Variants in CDH13 observed in about 807,000 individuals in gnomAD.
CDH13 encodes cadherin 13.
CDH13 carries 24 observed loss-of-function variants against 63.8 expected under a neutral mutation model. That is an observed-to-expected ratio of 0.38 (90% CI 0.27 to 0.53). CDH13 has a LOEUF of 0.53. CDH13 is among the 20% of genes least tolerant of loss of function. CDH13 has a pLI of 0.85. For synonymous variants in CDH13, 503 were observed against 355.3 expected (o/e 1.42, Z -4.67); for missense variants, 1,049 against 903.1 (o/e 1.16, Z -2.07).
chr16:83,728,109 C>T (rs1016748682), intron 10 of CDH13, among the ~76,000 whole-genome samples: 3 of 152,184 alleles, frequency 2.0e-5, no homozygotes, highest in Non-Finnish European at 4.4e-5. Flanking sequence ...CAGCAGTGAG[C>T]ACGCTGCCTG....
At chr16:82,860,867 A>G (rs1443051096) in intron 2 of CDH13, among the ~76,000 whole-genome samples, 1 of 152,172 alleles carries the variant, frequency 6.6e-6, no homozygotes, top group East Asian at 1.9e-4. Context: ...GTAGCGGTTC[A>G]ATTGAATAAA....
intron 8 of CDH13, among the ~76,000 whole-genome samples, chr16:83,662,769 T>C (rs1237710157): frequency 6.6e-6 from 1 of 152,164 alleles, no homozygotes; most frequent in Non-Finnish European, 1.5e-5. Flanking sequence ...TTCAGAGTTG[T>C]TTTCCCCAGG....
intron 1 of CDH13, among the ~76,000 whole-genome samples, chr16:82,690,295 A>G (rs1261342939): frequency 6.6e-6 from 1 of 152,156 alleles, no homozygotes; most frequent in Non-Finnish European, 1.5e-5. Flanking sequence ...GACTACCAGA[A>G]AGCTTTGGAA....
chr16:83,075,263 GT>G (rs1420408046), intron 3 of CDH13, among the ~76,000 whole-genome samples: 1 of 152,128 alleles, frequency 6.6e-6, no homozygotes, highest in Non-Finnish European at 1.5e-5. Flanking sequence ...AAATAAAAGA[GT>G]TTCACCCCAG....
At chr16:83,063,154 G>T (rs536370921) in intron 3 of CDH13, among the ~76,000 whole-genome samples, 2 of 152,182 alleles carry the variant, frequency 1.3e-5, no homozygotes, top group Admixed American at 6.5e-5. Context: ...TAGAGACAGG[G>T]TTTCACCATG....
chr16:83,568,948 A>G (rs936762245), intron 7 of CDH13, among the ~76,000 whole-genome samples: 23 of 151,958 alleles, frequency 1.5e-4, no homozygotes, highest in Non-Finnish European at 2.9e-4. Flanking sequence ...CTGCCTCCAG[A>G]ACATTCTCCT....
chr16:82,785,725 C>G (rs2035970709), intron 1 of CDH13, among the ~76,000 whole-genome samples: 1 of 152,150 alleles, frequency 6.6e-6, no homozygotes, highest in Non-Finnish European at 1.5e-5. Context: ...AAAGTGTATT[C>G]CAGTAACTGC....
intron 2 of CDH13, among the ~76,000 whole-genome samples, chr16:83,017,491 G>A (rs993461719): frequency 6.6e-6 from 1 of 152,196 alleles, no homozygotes; most frequent in Non-Finnish European, 1.5e-5. Flanking sequence ...AAGCAATCCA[G>A]CTTTCCTACT....
chr16:83,414,210 C>T (rs1255619198), intron 6 of CDH13, among the ~76,000 whole-genome samples: 1 of 152,154 alleles, frequency 6.6e-6, no homozygotes, highest in Non-Finnish European at 1.5e-5. Flanking sequence ...AATCAACATG[C>T]TCAACCATTT....
chr16:82,814,357 C>G (rs1420736969), intron 1 of CDH13, among the ~76,000 whole-genome samples: 2 of 152,112 alleles, frequency 1.3e-5, no homozygotes, highest in Admixed American at 6.5e-5. Flanking sequence ...CCAGGGGAAT[C>G]AACCATGTAT....
At chr16:83,224,855 G>A (rs923163375) in intron 5 of CDH13, among the ~76,000 whole-genome samples, 9 of 152,158 alleles carry the variant, frequency 5.9e-5, no homozygotes, top group Non-Finnish European at 8.8e-5. Context: ...TAAGTGTTCC[G>A]GAATTGGGAG....
chr16:83,461,037 A>C (rs1006009515), intron 6 of CDH13, among the ~76,000 whole-genome samples: 1 of 149,428 alleles, frequency 6.7e-6, no homozygotes, highest in African/African-American at 2.5e-5. Flanking sequence ...AACACTGCAG[A>C]TAGCCATTTT....
At chr16:82,711,586 T>A (rs1241290440) in intron 1 of CDH13, among the ~76,000 whole-genome samples, 2 of 152,208 alleles carry the variant, frequency 1.3e-5, no homozygotes, top group African/African-American at 4.8e-5. Context: ...TACCTTCTTA[T>A]TGCACAGACA....
chr16:82,922,262 C>T (rs1348459119), intron 2 of CDH13, among the ~76,000 whole-genome samples: 1 of 152,032 alleles, frequency 6.6e-6, no homozygotes, highest in Non-Finnish European at 1.5e-5. Flanking sequence ...TTTTTGTGTA[C>T]TTCAAAGAAG....
At chr16:82,702,756 G>A (rs940536069) in intron 1 of CDH13, among the ~76,000 whole-genome samples, 8 of 152,178 alleles carry the variant, frequency 5.3e-5, no homozygotes, top group African/African-American at 1.9e-4. Context: ...CTTCCTGACT[G>A]ATGGCCATTG....
chr16:82,997,376 A>ACTCT (rs1912364426), intron 2 of CDH13, among the ~76,000 whole-genome samples: 1 of 152,196 alleles, frequency 6.6e-6, no homozygotes, highest in African/African-American at 2.4e-5. Context: ...GAGTGAGGTG[A>ACTCT]ATGAGGTACT....
intron 6 of CDH13, among the ~76,000 whole-genome samples, chr16:83,461,549 C>T (rs1376517185): frequency 6.6e-6 from 1 of 152,168 alleles, no homozygotes; most frequent in South Asian, 2.1e-4. Flanking sequence ...AATTCATGCA[C>T]AAACAATATT....
intron 6 of CDH13, among the ~76,000 whole-genome samples, chr16:83,393,123 A>C (rs1046828656): frequency 6.6e-6 from 1 of 152,228 alleles, no homozygotes; most frequent in Non-Finnish European, 1.5e-5. Context: ...ATATCTAGAT[A>C]AAGTGTCCCC....
At chr16:83,565,250 C>T (rs2075772458) in intron 7 of CDH13, among the ~76,000 whole-genome samples, 1 of 152,062 alleles carries the variant, frequency 6.6e-6, no homozygotes, top group Non-Finnish European at 1.5e-5. Flanking sequence ...TACCCTGACC[C>T]CAGACTCCTA....
Sources: gnomAD v4.1 joint callset for allele counts (sites outside exome capture counted in the v4.1 genomes callset) on GRCh38, gnomAD v4.1.1 for gene constraint, MANE v1.5 for transcripts, NCBI Gene and HGNC (gene_info 2026-07-23, HGNC 2026-07-21) for gene names.